GIPC2: variants seen among roughly 807,000 people sequenced by gnomAD.
The protein encoded by GIPC2 is GIPC PDZ domain containing family member 2.
Under a neutral mutation model 30.6 loss-of-function variants are expected in GIPC2, and 30 were observed. The observed-to-expected ratio is 0.98, with a 90% CI of 0.73 to 1.33. The LOEUF is 1.33. GIPC2 is among the 40% of genes most tolerant of loss of function. The pLI is 0.00. For missense variants in GIPC2, 414 were observed against 390.3 expected (o/e 1.06, Z -0.51); for synonymous variants, 167 against 150.0 (o/e 1.11, Z -0.83).
intron 3 of GIPC2, among the ~76,000 whole-genome samples, chr1:78,116,024 A>G (rs1018461163): frequency 1.5e-4 from 23 of 152,184 alleles, no homozygotes; most frequent in African/African-American, 5.5e-4. Context: ...AGACTGGGTA[A>G]TTTATAAAGA....
chr1:78,077,569 C>T (rs979373545), intron 1 of GIPC2, among the ~76,000 whole-genome samples: 4 of 152,120 alleles, frequency 2.6e-5, no homozygotes, highest in Non-Finnish European at 4.4e-5. Flanking sequence ...CAGTCATTTT[C>T]CTTACGTTGT....
chr1:78,048,333 T>G (rs1439206802), intron 1 of GIPC2, among the ~76,000 whole-genome samples: 1 of 152,152 alleles, frequency 6.6e-6, no homozygotes. Flanking sequence ...GGAAACAGAC[T>G]TTGAGGTTCA....
At chr1:78,084,266 C>A (rs1475780111) in intron 2 of GIPC2, among the ~76,000 whole-genome samples, 2 of 152,174 alleles carry the variant, frequency 1.3e-5, no homozygotes, top group Non-Finnish European at 2.9e-5. Flanking sequence ...GTTATCCCAG[C>A]ACTTTGGGAG....
intron 1 of GIPC2, among the ~76,000 whole-genome samples, chr1:78,056,725 C>T (rs1224971286): frequency 6.6e-6 from 1 of 152,148 alleles, no homozygotes; most frequent in East Asian, 1.9e-4. Flanking sequence ...ACTTTATCAG[C>T]CTCCTGAGAA....
intron 1 of GIPC2, 147 bp downstream of exon 1, chr1:78,046,481 G>A: frequency 1.4e-6 from 1 of 725,440 alleles, no homozygotes; most frequent in Non-Finnish European, 2.3e-6. Context: ...CGTCCCGGGG[G>A]AAAGTGAGTG....
chr1:78,085,553 C>CTT (rs761359001), intron 2 of GIPC2, among the ~76,000 whole-genome samples: 2 of 131,376 alleles, frequency 1.5e-5, no homozygotes, highest in Non-Finnish European at 1.6e-5. Context: ...AGGTTCTAGG[C>CTT]TTTTTTTTTT....
intron 1 of GIPC2, among the ~76,000 whole-genome samples, chr1:78,049,964 G>A (rs568005831): frequency 5.8e-5 from 8 of 137,886 alleles, no homozygotes; most frequent in Non-Finnish European, 9.1e-5. Context: ...CGGTGTGATC[G>A]TGGCTCACTG....
intron 5 of GIPC2, among the ~76,000 whole-genome samples, chr1:78,128,038 G>C (rs1270085453): frequency 6.6e-6 from 1 of 152,136 alleles, no homozygotes; most frequent in African/African-American, 2.4e-5. Flanking sequence ...TAGAGATGCT[G>C]TCTGCAACTT....
intron 3 of GIPC2, among the ~76,000 whole-genome samples, chr1:78,109,195 C>G (rs762771091): frequency 4.6e-5 from 7 of 152,194 alleles, no homozygotes; most frequent in Non-Finnish European, 1.0e-4. Context: ...GAATTTCTAG[C>G]AAAAGTCCTG....
chr1:78,049,683 G>A lies in GIPC2; in HGVS notation c.240+3349G>A, dbSNP rs76494121. 7.9e-3 allele frequency among the ~76,000 whole-genome samples: 1,208 copies of A among 152,244 alleles called. 8 individuals are homozygous for A. Among genetic ancestry groups the A allele is most frequent in the Middle Eastern group, 0.044 (13 of 294 alleles). The stretch of plus-strand genomic sequence containing the variant: ...CATAATGTGCCCACAGCTGTGCTAG[G>A]CCTGTAAGCCTACAGTGTGTTCACT... On this transcript the variant is annotated intron_variant, in intron 1 of 5. Transcript: ENST00000370759.
Position 78,046,240 on chromosome 1 carries a change from C to T in GIPC2, c.146C>T (p.Ala49Val), listed in dbSNP as rs1372237349. 1.9e-6 allele frequency: 3 copies of T among 1,608,124 alleles called. No homozygotes were observed. The Admixed American group carries it at 5.0e-5, about 27-fold the overall frequency. Residue 49 changes from alanine (A) to valine (V), a missense_variant, in exon 1 of 6, where the codon GCG (alanine) becomes GTG (valine). By Grantham distance (64) the Ala-to-Val change is moderately conservative. Transcript: ENST00000370759. ...ARRLVFHAQL[A>V]HGSATGRVEG... ...AGGCTGGTCTTCCACGCGCAGCTGG[C>T]GCACGGTAGTGCCACGGGCCGAGTG...
chr1:78,052,753 A>G (rs1661219065), intron 1 of GIPC2, among the ~76,000 whole-genome samples: 1 of 152,190 alleles, frequency 6.6e-6, no homozygotes, highest in Admixed American at 6.5e-5. Context: ...AAGCATAGTC[A>G]CTTCCTAAAT....
chr1:78,095,712 C>A (rs1662124976), intron 3 of GIPC2, among the ~76,000 whole-genome samples: 1 of 152,136 alleles, frequency 6.6e-6, no homozygotes, highest in African/African-American at 2.4e-5. Context: ...GTTGTTCAAT[C>A]ACCCAGGGCT....
chr1:78,125,948 G>C lies in GIPC2; in HGVS notation c.782G>C (p.Arg261Pro), dbSNP rs762485885. The C allele has an allele frequency of 6.6e-7, 1 of 1,523,734 alleles. No homozygotes were observed. The highest frequency in any genetic ancestry group is 1.4e-5 in the African/African-American group (1 of 73,194). 94.4% of individuals were successfully genotyped at this position (1,523,734 alleles called of 1,614,324 possible). A position where few individuals can be genotyped will look rare whatever the true frequency, so the allele number is the denominator to read the frequency against. ...DDVLELYMGIRDIDLATTMFE... is the reference protein window; with the variant it reads ...DDVLELYMGIPDIDLATTMFE... Reference sequence around the variant, plus strand: ...GTTCTTGAGTTGTACATGGGAATTCGAGATATTGATTTAGGTAAGATTATA... The same window carrying C: ...GTTCTTGAGTTGTACATGGGAATTCCAGATATTGATTTAGGTAAGATTATA... The change falls in exon 5 of 6, where the codon CGA (arginine) becomes CCA (proline). Residue 261 changes from arginine (R) to proline (P), a missense_variant. Arg to Pro is a moderately radical substitution (Grantham distance 103). Coordinates refer to ENST00000370759, the MANE Select transcript of GIPC2 (RefSeq NM_017655.6).
At chr1:78,075,904 C>CT (rs1661708571) in intron 1 of GIPC2, among the ~76,000 whole-genome samples, 1 of 152,088 alleles carries the variant, frequency 6.6e-6, no homozygotes, top group Non-Finnish European at 1.5e-5. Context: ...CCACCCCTGA[C>CT]TGTCTCGAAG....
chr1:78,088,763 G>C (rs549998806), intron 2 of GIPC2, among the ~76,000 whole-genome samples: 2 of 151,660 alleles, frequency 1.3e-5, no homozygotes, highest in African/African-American at 4.8e-5. Flanking sequence ...AGAATTGCTT[G>C]AGCCTGGGGA....
At chr1:78,107,256 C>T (rs1662372910) in intron 3 of GIPC2, among the ~76,000 whole-genome samples, 2 of 151,992 alleles carry the variant, frequency 1.3e-5, no homozygotes, top group African/African-American at 4.8e-5. Context: ...AAAGATCCTC[C>T]CACTTCAGCC....
In GIPC2 at chr1:78,046,072, G is replaced by C; in HGVS notation, c.-23G>C. On this transcript the variant is annotated 5_prime_UTR_variant, in exon 1 of 6. Coordinates refer to ENST00000370759, the MANE Select transcript of GIPC2 (RefSeq NM_017655.6). ...AGGCGGCGGACGGCAGCGCAGGTGG[G>C]CCCGCGCTCTCGGCCCTGCAAGATG... 2 of 1,412,604 alleles carry C rather than the reference G, an allele frequency of 1.4e-6. No homozygotes were observed. The highest frequency in any genetic ancestry group is 3.0e-5 in the East Asian group (1 of 33,708). The allele number at this position is 1,412,604 out of a possible 1,614,324, so 87.5% of individuals were successfully genotyped here.
intron 3 of GIPC2, among the ~76,000 whole-genome samples, chr1:78,117,953 TTTTC>T (rs1260174179): frequency 6.6e-6 from 1 of 152,058 alleles, no homozygotes; most frequent in African/African-American, 2.4e-5. Flanking sequence ...TTTTCTTTTC[TTTTC>T]TTTCTTTCAC....
Sources: allele counts gnomAD v4.1 joint callset (sites outside exome capture counted in the v4.1 genomes callset), GRCh38; gene constraint gnomAD v4.1.1; transcripts MANE v1.5; gene names NCBI Gene and HGNC (gene_info 2026-07-23, HGNC 2026-07-21).